Variants in ERN1 observed in about 807,000 individuals in gnomAD.
ERN1 encodes endoplasmic reticulum to nucleus signaling 1, also known as serine/threonine-protein kinase/endoribonuclease IRE1.
ERN1 carries 39 observed loss-of-function variants against 113.1 expected under a neutral mutation model. The observed-to-expected ratio is 0.34, with a 90% CI of 0.27 to 0.45. ERN1 has a LOEUF of 0.45. ERN1 is among the 20% of genes least tolerant of loss of function. ERN1 has a pLI of 1.00. For missense variants in ERN1, 976 were observed against 1,274.8 expected (o/e 0.77, Z 3.57); for synonymous variants, 507 against 515.9 (o/e 0.98, Z 0.23).
chr17:64,055,312 T>C (rs948973318), intron 13 of ERN1, among the ~76,000 whole-genome samples: 1 of 152,182 alleles, frequency 6.6e-6, no homozygotes, highest in African/African-American at 2.4e-5. Flanking sequence ...CTCTGACAAC[T>C]GGCTTGAGCC....
At chr17:64,071,435 G>A (rs1438780401) in intron 6 of ERN1, among the ~76,000 whole-genome samples, 1 of 151,578 alleles carries the variant, frequency 6.6e-6, no homozygotes, top group South Asian at 2.1e-4. Context: ...TTTTTGGGCA[G>A]GGGGGATGGA....
intron 1 of ERN1, among the ~76,000 whole-genome samples, chr17:64,117,700 A>G (rs759587493): frequency 1.3e-5 from 2 of 152,130 alleles, no homozygotes; most frequent in African/African-American, 4.8e-5. Flanking sequence ...TGGTCAGGGA[A>G]GGCCCTAGGC....
intron 2 of ERN1, among the ~76,000 whole-genome samples, chr17:64,086,514 A>G (rs559261001): frequency 6.6e-6 from 1 of 151,946 alleles, no homozygotes; most frequent in Non-Finnish European, 1.5e-5. Context: ...TTACCTATTT[A>G]CCTGCTGAGG....
intron 6 of ERN1, among the ~76,000 whole-genome samples, chr17:64,071,404 C>T (rs989956704): frequency 6.6e-6 from 1 of 152,082 alleles, no homozygotes; most frequent in African/African-American, 2.4e-5. Flanking sequence ...GGTAGTTCAT[C>T]CTAATTGGGA....
rs1913127913 is a variant in ERN1 at position 64,063,785 on chromosome 17, T to C, written c.1087+201A>G. On this transcript the variant is annotated intron_variant, in intron 10 of 21. Transcript: ENST00000433197. This position sits in a 1 kb window ranked among gnomAD's most constrained non-coding sequence, Gnocchi z 5.1. ...TGAGTTTTGGAACATTAAACAGTTT[T>C]CAAAAACTGACTCAGAAACACAGCT... is the stretch of plus-strand genomic sequence containing the variant. 6.6e-6 allele frequency among the ~76,000 whole-genome samples: 1 copy of C among 152,182 alleles called. No homozygotes were observed. The highest frequency in any genetic ancestry group is 2.4e-5 in the African/African-American group (1 of 41,436).
chr17:64,043,678 C>T lies in ERN1; in HGVS notation c.*310G>A, dbSNP rs1912411149. 3.6e-6 allele frequency: 1 copy of T among 279,078 alleles called. No individual in the cohort carries two copies. The highest frequency in any genetic ancestry group is 6.7e-6 in the Non-Finnish European group (1 of 149,968). The allele number at this position is 279,078 out of a possible 1,614,324, so 17.3% of individuals were successfully genotyped here. A position where few individuals can be genotyped will look rare whatever the true frequency, so the allele number is the denominator to read the frequency against. Reference sequence around the variant, plus strand: ...GACATTAAGCAGGAATTTAAAAAGTCTGAAGCAAGTTTATCCAGTAGATGG... The same window carrying T: ...GACATTAAGCAGGAATTTAAAAAGTTTGAAGCAAGTTTATCCAGTAGATGG... On this transcript the variant is annotated 3_prime_UTR_variant, in exon 22 of 22. Coordinates refer to ENST00000433197, the MANE Select transcript of ERN1 (RefSeq NM_001433.5).
At position 64,045,488 on chromosome 17, in the gene ERN1, A is replaced by C; in HGVS notation, c.2530-6T>G. 1 of 1,613,856 alleles carries C rather than the reference A, an allele frequency of 6.2e-7. No homozygotes were observed. The highest frequency in any genetic ancestry group is 1.7e-5 in the Admixed American group (1 of 60,018). On this transcript the variant is annotated splice_region_variant and splice_polypyrimidine_tract_variant and intron_variant, in intron 19 of 21. Transcript: ENST00000433197. ...TCTATTCTGTCGCTCACGTCCTGTG[A>C]GAGAAACAAGGGCAGCAGATGATGG...
chr17:64,110,808 C>A lies in ERN1; in HGVS notation c.55-12567G>T, dbSNP rs116260741. Among the ~76,000 whole-genome samples the A allele has an allele frequency of 5.9e-3, 903 of 152,322 alleles. 9 individuals are homozygous for A. The highest frequency in any genetic ancestry group is 0.02 in the African/African-American group (812 of 41,568). ...TCTCTGAGAAGCGATCTTTATGCAGCCTCACACGTTTGAATAGAGATTGGA... is the reference window on the plus strand; with the variant it reads ...TCTCTGAGAAGCGATCTTTATGCAGACTCACACGTTTGAATAGAGATTGGA... On this transcript the variant is annotated intron_variant, in intron 1 of 21. Transcript: ENST00000433197.
In ERN1 at chr17:64,054,803, A is replaced by G. The variant is rs375204458; in HGVS notation, c.1698T>C (p.Val566=). 17 of 1,609,450 alleles carry G rather than the reference A, an allele frequency of 1.1e-5. No individual in the cohort carries two copies. The highest frequency in any genetic ancestry group is 4.5e-5 in the East Asian group (2 of 44,828). Residue 566 remains valine, a synonymous_variant, in exon 14 of 22, where the codon GTT becomes GTC. Coordinates refer to ENST00000433197, the MANE Select transcript of ERN1 (RefSeq NM_001433.5). This position sits in a 1 kb window ranked among gnomAD's most constrained non-coding sequence, Gnocchi z 4.9. ...DGDEETSVVI[V]GKISFCPKDV... ...CCTTGGGACAGAAGGAAATTTTCCC[A>G]ACTATCACCACGCTGGTTTCCTCAT...
intron 1 of ERN1, among the ~76,000 whole-genome samples, chr17:64,123,632 A>C (rs1230657073): frequency 6.6e-6 from 1 of 152,330 alleles, no homozygotes; most frequent in East Asian, 1.9e-4. Flanking sequence ...GGGCTGTAAA[A>C]TACTACATAC....
At position 64,079,863 on chromosome 17, in the gene ERN1, G is replaced by A. The variant is rs895667254; in HGVS notation, c.210-129C>T. 44 of 664,126 alleles carry A rather than the reference G, an allele frequency of 6.6e-5. No homozygotes were observed. In the Admixed American group the frequency reaches 1.1e-3, roughly 16 times the overall value. 41.1% of individuals were successfully genotyped at this position (664,126 alleles called of 1,614,324 possible). A position where few individuals can be genotyped will look rare whatever the true frequency, so the allele number is the denominator to read the frequency against. ...TGGTTGTGTGTAGGTGTATAAGTGA[G>A]TATATAAGACAATTCCACCCACTAC... On this transcript the variant is annotated intron_variant, in intron 3 of 21. Coordinates refer to ENST00000433197, the MANE Select transcript of ERN1 (RefSeq NM_001433.5).
rs201648652 is a variant in ERN1 at position 64,053,261 on chromosome 17, C to G, written c.2053+11G>C. ...CCCGGGCCGCTGGCCTGGTAAAGTG[C>G]AGCCTCTCACCGATGTTGAGGGAGT... On this transcript the variant is annotated intron_variant, in intron 16 of 21. Coordinates refer to ENST00000433197, the MANE Select transcript of ERN1 (RefSeq NM_001433.5). 7.5e-6 allele frequency: 12 copies of G among 1,592,564 alleles called. No individual in the cohort carries two copies. In the South Asian group the frequency reaches 1.2e-4, roughly 16 times the overall value.
rs1010880930 is a variant in ERN1, at chr17:64,055,828, C to T, written c.1519G>A (p.Asp507Asn). 57 of 1,559,888 alleles carry T rather than the reference C, an allele frequency of 3.7e-5. No individual in the cohort carries two copies. The highest frequency in any genetic ancestry group is 4.9e-5 in the Non-Finnish European group (56 of 1,152,040). Residue 507 changes from aspartate to asparagine, a missense_variant, in exon 13 of 22, where the codon GAC (aspartate) becomes AAC (asparagine). Asp to Asn is a conservative substitution (Grantham distance 23). Transcript: ENST00000433197. ...PFHPPGDTAQ[D>N]GELLDTSGPY... ...CCAGACGTGTCCAGGAGCTCGCCGTCCTGAGCCGTGTCTCCAGGTGGGTGG... is the reference window on the plus strand; with the variant it reads ...CCAGACGTGTCCAGGAGCTCGCCGTTCTGAGCCGTGTCTCCAGGTGGGTGG...
chr17:64,075,200 T>C lies in ERN1; in HGVS notation c.330A>G (p.Arg110=). The change falls in exon 5 of 22, where the codon CGA becomes CGG. Residue 110 remains arginine, a synonymous_variant. Transcript: ENST00000433197. ...CCATGTAGAGGATTCCATCTGAACT[T>C]CGGCATGGGGATGCCTGCACCAATT... ...IPELVQASPC[R]SSDGILYMGK... The C allele has an allele frequency of 6.5e-7, 1 of 1,533,802 alleles. No homozygotes were observed. Among genetic ancestry groups the C allele is most frequent in the Non-Finnish European group, 8.8e-7 (1 of 1,140,136 alleles).
At chr17:64,129,954 C>G in intron 1 of ERN1, 22 bp downstream of exon 1, 2 of 1,441,872 alleles carry the variant, frequency 1.4e-6, no homozygotes, top group Non-Finnish European at 1.8e-6. Context: ...TGTCCTCCAC[C>G]CCACGCTCCC....
rs938119095 is a variant in ERN1, at chr17:64,039,291, A to T, written c.*4697T>A. 2 of 152,210 alleles carry T rather than the reference A, an allele frequency of 1.3e-5. No individual in the cohort carries two copies. The highest frequency in any genetic ancestry group is 3.8e-4 in the East Asian group (2 of 5,200). 9.4% of individuals were successfully genotyped at this position (152,210 alleles called of 1,614,324 possible). ...TTCAAGCTTTAAAAATGCACATAAA[A>T]GTTGTACAATCTGGCAGTTTATAAA... On this transcript the variant is annotated 3_prime_UTR_variant, in exon 22 of 22. Transcript: ENST00000433197.
intron 1 of ERN1, among the ~76,000 whole-genome samples, chr17:64,106,954 C>T (rs1914547297): frequency 6.6e-6 from 1 of 152,170 alleles, no homozygotes; most frequent in African/African-American, 2.4e-5. Flanking sequence ...TCTGTGTCTA[C>T]AATTCTTCTA....
chr17:64,056,019 A>G, intron 12 of ERN1, 71 bp from the exon 13 acceptor site: 1 of 1,471,482 alleles, frequency 6.8e-7, no homozygotes, highest in Non-Finnish European at 9.0e-7. Context: ...GGGAAGGGAC[A>G]GGTCCCAGTG....
At chr17:64,098,090 C>T (rs754859381) in intron 2 of ERN1, 31 bp downstream of exon 2, 2 of 1,612,752 alleles carry the variant, frequency 1.2e-6, no homozygotes, top group East Asian at 2.2e-5. Flanking sequence ...AAGCAAATGT[C>T]CATGTCGCCC....
Sources: gnomAD v4.1 joint callset for allele counts (sites outside exome capture counted in the v4.1 genomes callset) on GRCh38, gnomAD v4.1.1 for gene constraint, Gnocchi (gnomAD v3.1) non-coding constraint, MANE v1.5 for transcripts, NCBI Gene and HGNC (gene_info 2026-07-23, HGNC 2026-07-21) for gene names.